The following RFX2 variants were observed in gnomAD, a reference collection of about 807,000 sequenced individuals.
RFX2 encodes regulatory factor X2.
A neutral mutation model predicts 87.8 loss-of-function variants in RFX2; 20 were observed. That is an observed-to-expected ratio of 0.23 (90% CI 0.16 to 0.33). The LOEUF is 0.33. RFX2 is among the 10% of genes least tolerant of loss of function. The pLI is 1.00. For synonymous variants in RFX2, 397 were observed against 431.3 expected, an observed-to-expected ratio of 0.92 and a Z score of 0.98; for missense variants, 767 against 1,012.3, an observed-to-expected ratio of 0.76 and a Z score of 3.29.
intron 6 of RFX2, among the ~76,000 whole-genome samples, chr19:6,025,871 T>C (rs548703097): frequency 6.6e-6 from 1 of 150,416 alleles, no homozygotes; most frequent in South Asian, 2.1e-4. Context: ...CTGCAACCTC[T>C]GCCTCCCGGG....
chr19:5,996,213 TC>T (rs1459146196), intron 16 of RFX2, among the ~76,000 whole-genome samples: 108 of 46,860 alleles, frequency 2.3e-3, no homozygotes, highest in African/African-American at 0.01. Context: ...GCAAGTCCAC[TC>T]CAAGGTGTGG....
At chr19:6,076,444 GGGTGCCTGGGTCC>G (rs1348525605) in intron 1 of RFX2, among the ~76,000 whole-genome samples, 5 of 152,168 alleles carry the variant, frequency 3.3e-5, no homozygotes, top group Admixed American at 2.0e-4. Context: ...GGCTAGGCGA[GGGTGCCTGGGTCC>G]GGTGCCTGGG....
chr19:6,030,400 G>C (rs1329779523), intron 5 of RFX2, among the ~76,000 whole-genome samples: 3 of 151,994 alleles, frequency 2.0e-5, no homozygotes, highest in African/African-American at 7.3e-5. Context: ...GCAGATGAAT[G>C]GATAAACAAA....
chr19:6,002,796 C>T lies in RFX2; in HGVS notation c.1575G>A (p.Arg525=). The change falls in exon 14 of 18, where the codon CGG becomes CGA. Residue 525 remains arginine, a synonymous_variant. Coordinates refer to ENST00000303657, the MANE Select transcript of RFX2 (RefSeq NM_000635.4). This position sits in a 1 kb window ranked among gnomAD's most constrained non-coding sequence, Gnocchi z 6.7. ...TCTGGGACGTGTTCTGCAGCACCGC[C>T]CGGGCCGCCTGCGCCAGGTGGTTGA... ...TSLNHLAQAA[R]AVLQNTSQIN... The T allele has an allele frequency of 6.2e-7, 1 of 1,613,830 alleles. No individual in the cohort carries two copies. Among genetic ancestry groups the T allele is most frequent in the Non-Finnish European group, 8.5e-7 (1 of 1,179,936 alleles).
At chr19:6,037,837 T>C (rs145369788) in intron 5 of RFX2, among the ~76,000 whole-genome samples, 1 of 152,262 alleles carries the variant, frequency 6.6e-6, no homozygotes, top group East Asian at 1.9e-4. Context: ...AATAGGACAC[T>C]CTGAAATAAA....
chr19:6,033,094 C>T (rs937272454), intron 5 of RFX2, among the ~76,000 whole-genome samples: 2 of 152,154 alleles, frequency 1.3e-5, no homozygotes, highest in South Asian at 2.1e-4. Context: ...CCAGCAGGAC[C>T]GATTCTTAGA....
In RFX2 at chr19:6,017,857, C is replaced by T. The variant is rs569335745; in HGVS notation, c.598-1586G>A. Among the ~76,000 whole-genome samples the T allele has an allele frequency of 6.5e-4, 99 of 152,138 alleles. No individual in the cohort carries two copies. The highest frequency in any genetic ancestry group is 3.7e-3 in the Admixed American group (57 of 15,274). ...CCCCTGGGAAATATCTGTCCACTCA[C>T]CACAGCGTACCCATGGCACCCCCCC... On this transcript the variant is annotated intron_variant, in intron 6 of 17. Coordinates refer to ENST00000303657, the MANE Select transcript of RFX2 (RefSeq NM_000635.4). This position sits in a 1 kb window ranked among gnomAD's most constrained non-coding sequence, Gnocchi z 4.1.
chr19:6,078,929 C>T (rs2087735160), intron 1 of RFX2, among the ~76,000 whole-genome samples: 1 of 152,210 alleles, frequency 6.6e-6, no homozygotes, highest in Non-Finnish European at 1.5e-5. Flanking sequence ...GCACATGCCA[C>T]CATGCCCAGC....
rs1182428949 is a variant in RFX2 at position 6,011,396 on chromosome 19, T to TA, written c.900-1146dup. Among the ~76,000 whole-genome samples the TA allele has an allele frequency of 6.6e-6, 1 of 152,034 alleles. No homozygotes were observed. The highest frequency in any genetic ancestry group is 1.5e-5 in the Non-Finnish European group (1 of 68,004). ...TCTCCAGCGGACCTCCCTCCTCAAA[T>TA]ACGAAGCGGGGCCAGGCCTACAGGG... On this transcript the variant is annotated intron_variant, in intron 8 of 17. Transcript: ENST00000303657. The surrounding 1 kb of genome is among the most constrained non-coding windows in gnomAD (Gnocchi z 4.8).
Position 5,995,645 on chromosome 19 carries a change from T to C in RFX2, c.2014-2A>G. ...CGACAGAGAGGCGAGATCGTTGAACTGAAAGAGAAACCTGGAGTCAGGGGC... is the reference window on the plus strand; with the variant it reads ...CGACAGAGAGGCGAGATCGTTGAACCGAAAGAGAAACCTGGAGTCAGGGGC... On this transcript the variant is annotated splice_acceptor_variant, in intron 16 of 17. Transcript: ENST00000303657. LOFTEE classifies it high-confidence loss of function. 6.4e-7 allele frequency: 1 copy of C among 1,552,282 alleles called. No individual in the cohort carries two copies. Among genetic ancestry groups the C allele is most frequent in the Non-Finnish European group, 8.7e-7 (1 of 1,147,422 alleles).
chr19:6,038,784 T>A (rs562348243), intron 5 of RFX2, among the ~76,000 whole-genome samples: 1 of 152,248 alleles, frequency 6.6e-6, no homozygotes, highest in South Asian at 2.1e-4. Flanking sequence ...CCACCACACA[T>A]CTATTAGAAT....
chr19:5,994,719 A>T lies in RFX2; in HGVS notation c.*116T>A. ...GACCCCGGGAGCCCCCGCTTGAGTC[A>T]AAGTAAACATCACATCATCTAAGAG... On this transcript the variant is annotated 3_prime_UTR_variant, in exon 18 of 18. Transcript: ENST00000303657. The T allele has an allele frequency of 1.4e-6, 1 of 692,868 alleles. No homozygotes were observed. The highest frequency in any genetic ancestry group is 2.5e-6 in the Non-Finnish European group (1 of 407,370). The allele number at this position is 692,868 out of a possible 1,614,324, so 42.9% of individuals were successfully genotyped here.
Position 6,083,154 on chromosome 19 carries a change from G to A in RFX2, c.-9+27239C>T, listed in dbSNP as rs549373041. Among the ~76,000 whole-genome samples, 5 of 152,268 alleles carry A rather than the reference G, an allele frequency of 3.3e-5. No homozygotes were observed. Among genetic ancestry groups the A allele is most frequent in the East Asian group, 1.9e-4 (1 of 5,186 alleles). ...ACTCCTGGCCTCAAGTGATCCACCC[G>A]CCTTGGCTTCCTAGAGTGCTAGAAT... On this transcript the variant is annotated intron_variant, in intron 1 of 17. Transcript: ENST00000303657. The surrounding 1 kb of genome is among the most constrained non-coding windows in gnomAD (Gnocchi z 4.6).
chr19:5,997,354 G>A lies in RFX2; in HGVS notation c.1860-141C>T. The A allele has an allele frequency of 1.0e-6, 1 of 980,906 alleles. No homozygotes were observed. Among genetic ancestry groups the A allele is most frequent in the Non-Finnish European group, 1.4e-6 (1 of 692,152 alleles). The allele number at this position is 980,906 out of a possible 1,614,324, so 60.8% of individuals were successfully genotyped here. ...GGCTGAGTGATCCTAAGACGTGCAG[G>A]CCTACGCGGGGGCTGACGGGCTGCC... On this transcript the variant is annotated intron_variant, in intron 15 of 17. Transcript: ENST00000303657. The surrounding 1 kb of genome is among the most constrained non-coding windows in gnomAD (Gnocchi z 4.2).
At position 6,061,249 on chromosome 19, in the gene RFX2, A is replaced by C. The variant is rs2144809144; in HGVS notation, c.-8-13745T>G. On this transcript the variant is annotated intron_variant, in intron 1 of 17. Transcript: ENST00000303657. This position sits in a 1 kb window ranked among gnomAD's most constrained non-coding sequence, Gnocchi z 5.2. ...CTGCTTCCAGCCTCTGCCCTCTCCC[A>C]GCCAATTTTCTTTCACATTGGGGTG... 6.6e-6 allele frequency among the ~76,000 whole-genome samples: 1 copy of C among 152,254 alleles called. No individual in the cohort carries two copies. Among genetic ancestry groups the C allele is most frequent in the South Asian group, 2.1e-4 (1 of 4,820 alleles).
rs1344947769 is a variant in RFX2, at chr19:6,083,137, C to T, written c.-9+27256G>A. 2.0e-5 allele frequency among the ~76,000 whole-genome samples: 3 copies of T among 152,166 alleles called. No homozygotes were observed. Among genetic ancestry groups the T allele is most frequent in the African/African-American group, 7.2e-5 (3 of 41,434 alleles). ...GTCCAGGCTGGTCTTGAACTCCTGGCCTCAAGTGATCCACCCGCCTTGGCT... is the reference window on the plus strand; with the variant it reads ...GTCCAGGCTGGTCTTGAACTCCTGGTCTCAAGTGATCCACCCGCCTTGGCT... On this transcript the variant is annotated intron_variant, in intron 1 of 17. Coordinates refer to ENST00000303657, the MANE Select transcript of RFX2 (RefSeq NM_000635.4). The surrounding 1 kb of genome is among the most constrained non-coding windows in gnomAD (Gnocchi z 4.6).
In RFX2 at chr19:6,047,189, A is replaced by G. The variant is rs190766007; in HGVS notation, c.90+218T>C. On this transcript the variant is annotated intron_variant, in intron 2 of 17. Coordinates refer to ENST00000303657, the MANE Select transcript of RFX2 (RefSeq NM_000635.4). The surrounding 1 kb of genome is among the most constrained non-coding windows in gnomAD (Gnocchi z 4.2). Reference sequence around the variant, plus strand: ...TGGGAGAGTGGTTTCTTTTCCATTCATGTCATTGTTTCCTTGATGGGATCT... The same window carrying G: ...TGGGAGAGTGGTTTCTTTTCCATTCGTGTCATTGTTTCCTTGATGGGATCT... 6.6e-6 allele frequency among the ~76,000 whole-genome samples: 1 copy of G among 152,210 alleles called. No homozygotes were observed. Among genetic ancestry groups the G allele is most frequent in the Non-Finnish European group, 1.5e-5 (1 of 68,030 alleles).
intron 1 of RFX2, among the ~76,000 whole-genome samples, chr19:6,080,775 T>C (rs1294482219): frequency 6.6e-6 from 1 of 152,184 alleles, no homozygotes; most frequent in Non-Finnish European, 1.5e-5. Flanking sequence ...CAGTGGCTTA[T>C]GCTTGTAATC....
chr19:6,011,587 C>T lies in RFX2; in HGVS notation c.900-1336G>A, dbSNP rs2086660498. 6.6e-6 allele frequency among the ~76,000 whole-genome samples: 1 copy of T among 152,192 alleles called. No individual in the cohort carries two copies. Among genetic ancestry groups the T allele is most frequent in the African/African-American group, 2.4e-5 (1 of 41,448 alleles). On this transcript the variant is annotated intron_variant, in intron 8 of 17. Transcript: ENST00000303657. This position sits in a 1 kb window ranked among gnomAD's most constrained non-coding sequence, Gnocchi z 4.8. The stretch of plus-strand genomic sequence containing the variant: ...TCCTAAAATGACACACTGCCTGGAG[C>T]ACAGGTTCACAGCTGTCTGCCAGGG...
Sources: allele counts gnomAD v4.1 joint callset (sites outside exome capture counted in the v4.1 genomes callset), GRCh38; gene constraint gnomAD v4.1.1; non-coding constraint Gnocchi (gnomAD v3.1); transcripts MANE v1.5; gene names NCBI Gene and HGNC (gene_info 2026-07-23, HGNC 2026-07-21).